Variants in GTF3C4 observed in about 807,000 individuals in gnomAD.
The protein encoded by GTF3C4 is general transcription factor 3C polypeptide 4.
A neutral mutation model predicts 67.5 loss-of-function variants in GTF3C4; 28 were observed. The observed-to-expected ratio is 0.41, with a 90% CI of 0.31 to 0.57. The LOEUF is 0.57. Among genes scored for constraint, GTF3C4 ranks in the 20% least tolerant of loss-of-function variants. The pLI, the probability that GTF3C4 is intolerant of heterozygous loss-of-function variation, is 0.21. For missense variants in GTF3C4, 831 were observed against 1,033.2 expected (o/e 0.80, Z 2.68); for synonymous variants, 409 against 393.0 (o/e 1.04, Z -0.48).
intron 1 of GTF3C4, among the ~76,000 whole-genome samples, chr9:132,676,727 C>T (rs996531979): frequency 1.3e-5 from 2 of 152,110 alleles, no homozygotes; most frequent in African/African-American, 4.8e-5. Flanking sequence ...TAATGTCTTC[C>T]AAGTGCTTTC....
At chr9:132,675,196 A>C (rs746390341) in intron 1 of GTF3C4, among the ~76,000 whole-genome samples, 1 of 152,204 alleles carries the variant, frequency 6.6e-6, no homozygotes, top group Non-Finnish European at 1.5e-5. Flanking sequence ...AGAAGGTTTA[A>C]GCAATTTGCG....
chr9:132,688,998 T>C lies in GTF3C4; in HGVS notation c.*53T>C. ...CATGATGAACTCTGCCATAGAAAAC[T>C]TCCTCCAGCCTGAAGAGAAGGATGC... On this transcript the variant is annotated 3_prime_UTR_variant, in exon 5 of 5. Transcript: ENST00000372146. The C allele has an allele frequency of 7.5e-7, 1 of 1,334,256 alleles. No homozygotes were observed. Among genetic ancestry groups the C allele is most frequent in the Non-Finnish European group, 1.1e-6 (1 of 929,210 alleles). 82.7% of individuals were successfully genotyped at this position (1,334,256 alleles called of 1,614,324 possible).
rs1163591849 is a variant in GTF3C4 at position 132,694,486 on chromosome 9, C to T, written c.*5541C>T. 1.3e-5 allele frequency: 2 copies of T among 152,202 alleles called. No individual in the cohort carries two copies. The highest frequency in any genetic ancestry group is 2.9e-5 in the Non-Finnish European group (2 of 68,032). The allele number at this position is 152,202 out of a possible 1,614,324, so 9.4% of individuals were successfully genotyped here. A position where few individuals can be genotyped will look rare whatever the true frequency, so the allele number is the denominator to read the frequency against. On this transcript the variant is annotated 3_prime_UTR_variant, in exon 5 of 5. Transcript: ENST00000372146. The stretch of plus-strand genomic sequence containing the variant: ...ATCCCACATCCTTAGCACTACTTAA[C>T]CTTCTTTTCCTGAAGATTACATATC...
At position 132,679,300 on chromosome 9, in the gene GTF3C4, T is replaced by C. The variant is rs146673001; in HGVS notation, c.1681T>C (p.Leu561=). 9.0e-4 allele frequency: 1,451 copies of C among 1,613,776 alleles called. 23 individuals carry two copies. Among genetic ancestry groups the C allele is most frequent in the Admixed American group, 6.3e-4 (38 of 59,946 alleles). ...TATCCCTCAATTTTTACAAGAAGCT[T>C]TGGAAAAAAAGATTGAAAGCAGTGG... The part of the protein sequence containing the change: ...KHIPQFLQEA[L]EKKIESSGVT... The change falls in exon 2 of 5, where the codon TTG becomes CTG. Residue 561 remains leucine (L), a synonymous_variant. Transcript: ENST00000372146. The surrounding 1 kb of genome is among the most constrained non-coding windows in gnomAD (Gnocchi z 5.9).
Position 132,670,869 on chromosome 9 carries a change from C to T in GTF3C4, c.271C>T (p.Leu91Phe). The T allele has an allele frequency of 5.6e-6, 9 of 1,612,406 alleles. No homozygotes were observed. The highest frequency in any genetic ancestry group is 1.1e-5 in the South Asian group (1 of 91,058). Residue 91 changes from leucine (L) to phenylalanine (F), a missense_variant, in exon 1 of 5, where the codon CTC becomes TTC. Leu to Phe is a conservative substitution (Grantham distance 22, BLOSUM62 0). This residue lies in a region of GTF3C4 where 237 missense variants were observed against 212.7 expected (regional missense o/e 1.11). Coordinates refer to ENST00000372146, the MANE Select transcript of GTF3C4 (RefSeq NM_012204.4). The part of the protein sequence containing the change: ...STARSIAVLE[L>F]ICDVHNPGQD... ...GGCCCGCAGCATCGCTGTGCTGGAGCTCATCTGCGACGTGCACAACCCGGG... is the reference window on the plus strand; with the variant it reads ...GGCCCGCAGCATCGCTGTGCTGGAGTTCATCTGCGACGTGCACAACCCGGG...
Position 132,678,494 on chromosome 9 carries a change from T to G in GTF3C4, c.875T>G (p.Leu292Arg). Residue 292 changes from leucine to arginine, a missense_variant, in exon 2 of 5, where the codon CTG becomes CGG. By Grantham distance (102) the Leu-to-Arg change is moderately radical. This residue lies in a region of GTF3C4 where 390 missense variants were observed against 540.3 expected (regional missense o/e 0.72). Transcript: ENST00000372146. This position sits in a 1 kb window ranked among gnomAD's most constrained non-coding sequence, Gnocchi z 6.5. ...AATATCGCCGTGTGGCAGTTTCAGCTGCCGTTTGTAGGAAAAGAATCCATC... is the reference window on the plus strand; with the variant it reads ...AATATCGCCGTGTGGCAGTTTCAGCGGCCGTTTGTAGGAAAAGAATCCATC... ...NGNIAVWQFQ[L>R]PFVGKESISS... 6.2e-7 allele frequency: 1 copy of G among 1,614,216 alleles called. No homozygotes were observed. Among genetic ancestry groups the G allele is most frequent in the Non-Finnish European group, 8.5e-7 (1 of 1,180,026 alleles).
intron 3 of GTF3C4, among the ~76,000 whole-genome samples, chr9:132,684,581 C>T (rs1479858475): frequency 6.6e-6 from 1 of 152,206 alleles, no homozygotes; most frequent in Non-Finnish European, 1.5e-5. Flanking sequence ...CCCTTCCTCC[C>T]TTTGTCCTCC....
At chr9:132,683,514 G>T in intron 2 of GTF3C4, 49 bp from the exon 3 acceptor site, 1 of 1,527,938 alleles carries the variant, frequency 6.5e-7, no homozygotes, top group African/African-American at 1.4e-5. Context: ...TTTTTCTTCA[G>T]GAAATCCTGC....
intron 1 of GTF3C4, among the ~76,000 whole-genome samples, chr9:132,672,012 A>G (rs1340070895): frequency 6.6e-6 from 1 of 152,230 alleles, no homozygotes; most frequent in East Asian, 1.9e-4. Context: ...ATCACTTTGT[A>G]GCATACTTAA....
In GTF3C4 at chr9:132,690,807, T is replaced by C. The variant is rs1202103955; in HGVS notation, c.*1862T>C. 6.6e-6 allele frequency: 1 copy of C among 152,138 alleles called. No homozygotes were observed. The highest frequency in any genetic ancestry group is 1.9e-4 in the East Asian group (1 of 5,196). The allele number at this position is 152,138 out of a possible 1,614,324, so 9.4% of individuals were successfully genotyped here. A position where few individuals can be genotyped will look rare whatever the true frequency, so the allele number is the denominator to read the frequency against. ...ACTTTACAATAAATAAGAGTAAAAA[T>C]TGAGATCATGTCAAAAAATTATTGC... On this transcript the variant is annotated 3_prime_UTR_variant, in exon 5 of 5. Coordinates refer to ENST00000372146, the MANE Select transcript of GTF3C4 (RefSeq NM_012204.4).
chr9:132,688,879 A>G lies in GTF3C4; in HGVS notation c.2405-2A>G. 6.2e-7 allele frequency: 1 copy of G among 1,609,068 alleles called. No individual in the cohort carries two copies. On this transcript the variant is annotated splice_acceptor_variant, in intron 4 of 4. Coordinates refer to ENST00000372146, the MANE Select transcript of GTF3C4 (RefSeq NM_012204.4). LOFTEE classifies it high-confidence loss of function. ...TTGATACCACTTGTCCTCCTTTTGCAGATCCCGACTGGATTAAGAGGTTAC... is the reference window on the plus strand; with the variant it reads ...TTGATACCACTTGTCCTCCTTTTGCGGATCCCGACTGGATTAAGAGGTTAC...
rs1267016443 is a variant in GTF3C4 at position 132,670,676 on chromosome 9, G to A, written c.78G>A (p.Gly26=). The A allele has an allele frequency of 1.3e-6, 2 of 1,509,594 alleles. No homozygotes were observed. Among genetic ancestry groups the A allele is most frequent in the Non-Finnish European group, 1.8e-6 (2 of 1,136,932 alleles). 93.5% of individuals were successfully genotyped at this position (1,509,594 alleles called of 1,614,324 possible). Residue 26 remains glycine (G), a synonymous_variant, in exon 1 of 5, where the codon GGG becomes GGA. Transcript: ENST00000372146. The part of the protein sequence containing the change: ...PAPSGEEEGE[G]GGEAGGKEPA... ...CGTCTGGGGAGGAGGAGGGAGAGGG[G>A]GGCGGCGAGGCGGGCGGGAAGGAGC...
At chr9:132,682,968 A>T (rs1670832143) in intron 2 of GTF3C4, among the ~76,000 whole-genome samples, 1 of 152,126 alleles carries the variant, frequency 6.6e-6, no homozygotes, top group African/African-American at 2.4e-5. Context: ...AGCCTGTGCC[A>T]TTACCTCTCT....
intron 1 of GTF3C4, among the ~76,000 whole-genome samples, chr9:132,674,988 G>A (rs986707722): frequency 3.3e-5 from 5 of 151,902 alleles, no homozygotes; most frequent in African/African-American, 7.2e-5. Flanking sequence ...CTGTAGTCAC[G>A]CCAGCTGCAC....
chr9:132,681,099 CA>C lies in GTF3C4; in HGVS notation c.2184+1306del, dbSNP rs1021785755. 7.4e-5 allele frequency among the ~76,000 whole-genome samples: 11 copies of C among 148,500 alleles called. No homozygotes were observed. In the South Asian group the frequency reaches 1.7e-3, roughly 23 times the overall value. ...CAATCGACAAGAGCAAAACCCATCT[CA>C]AAAAAAAAAGTTAATTTTTAAACGT... On this transcript the variant is annotated intron_variant, in intron 2 of 4. Transcript: ENST00000372146.
At chr9:132,675,718 A>G (rs1439274003) in intron 1 of GTF3C4, among the ~76,000 whole-genome samples, 1 of 152,112 alleles carries the variant, frequency 6.6e-6, no homozygotes, top group Non-Finnish European at 1.5e-5. Context: ...TTGGCCATAG[A>G]ACTATTTTTC....
Position 132,670,657 on chromosome 9 carries a change from G to GGGA in GTF3C4, c.68_70dup (p.Glu23dup), listed in dbSNP as rs755842655. 1.3e-5 allele frequency: 20 copies of GGGA among 1,491,614 alleles called. No individual in the cohort carries two copies. The highest frequency in any genetic ancestry group is 1.3e-4 in the African/African-American group (9 of 70,198). 92.4% of individuals were successfully genotyped at this position (1,491,614 alleles called of 1,614,324 possible). A position where few individuals can be genotyped will look rare whatever the true frequency, so the allele number is the denominator to read the frequency against. On this transcript the variant is annotated inframe_insertion, in exon 1 of 5. Transcript: ENST00000372146. ...GCGGACGACGGGCCTGCGCCGTCTG[G>GGGA]GGAGGAGGAGGGAGAGGGGGGCGGC...
chr9:132,673,971 GATA>G (rs1308376433), intron 1 of GTF3C4, among the ~76,000 whole-genome samples: 4 of 152,190 alleles, frequency 2.6e-5, no homozygotes, highest in African/African-American at 9.7e-5. Context: ...TCCAAATTCT[GATA>G]ATATTTGTGT....
intron 1 of GTF3C4, among the ~76,000 whole-genome samples, chr9:132,674,527 C>T (rs550236256): frequency 6.6e-6 from 1 of 152,198 alleles, no homozygotes; most frequent in Non-Finnish European, 1.5e-5. Flanking sequence ...TATTTCATCC[C>T]GTGCTGCTGC....
Sources: gnomAD v4.1 joint callset for allele counts (sites outside exome capture counted in the v4.1 genomes callset) on GRCh38, gnomAD v4.1.1 for gene constraint, gnomAD v4.1.1 regional missense constraint, Gnocchi (gnomAD v3.1) non-coding constraint, MANE v1.5 for transcripts, NCBI Gene and HGNC (gene_info 2026-07-23, HGNC 2026-07-21) for gene names.